C12orf42: variants seen among roughly 807,000 people sequenced by gnomAD.
The protein encoded by C12orf42 is chromosome 12 open reading frame 42.
A neutral mutation model predicts 21.6 loss-of-function variants in C12orf42; 25 were observed. That is an observed-to-expected ratio of 1.16 (90% CI 0.84 to 1.62). C12orf42 has a LOEUF of 1.62. Ranked by LOEUF, C12orf42 falls within the 40% of genes most tolerant of loss-of-function variation. C12orf42 has a pLI of 0.00. For synonymous variants in C12orf42, 174 were observed against 175.0 expected (o/e 0.99, Z 0.05); for missense variants, 483 against 459.3 (o/e 1.05, Z -0.47).
At chr12:103,132,889 C>T in the C12orf42 span, among the ~76,000 whole-genome samples, 1 of 152,178 alleles carries the variant, frequency 6.6e-6, no homozygotes, top group Non-Finnish European at 1.5e-5. Context: ...CCCCACCCTC[C>T]CCAGTAGCAG....
downstream of C12orf42, among the ~76,000 whole-genome samples, chr12:103,233,225 G>C (rs1279436008): frequency 6.6e-6 from 1 of 152,160 alleles, no homozygotes; most frequent in Non-Finnish European, 1.5e-5. Flanking sequence ...TTGATTTGTA[G>C]ATTTGTAGTA....
chr12:103,403,510 C>T (rs890478132), intron 2 of C12orf42, among the ~76,000 whole-genome samples: 10 of 152,130 alleles, frequency 6.6e-5, no homozygotes, highest in African/African-American at 2.4e-4. Flanking sequence ...GGAAACTGCT[C>T]GAGATCACAC....
chr12:103,412,406 C>G (rs12368950), intron 2 of C12orf42, among the ~76,000 whole-genome samples: 3 of 152,330 alleles, frequency 2.0e-5, no homozygotes, highest in South Asian at 4.1e-4. Flanking sequence ...CAGTAGCTCA[C>G]GCCTGTAATC....
At chr12:103,225,893 C>T in the C12orf42 span, among the ~76,000 whole-genome samples, 84 of 152,260 alleles carry the variant, frequency 5.5e-4, no homozygotes, top group Non-Finnish European at 7.9e-4. Flanking sequence ...CGAAGCTCGG[C>T]GTCCGTGTTG....
the C12orf42 span, among the ~76,000 whole-genome samples, chr12:103,521,557 G>A: frequency 6.6e-6 from 1 of 152,146 alleles, no homozygotes; most frequent in Non-Finnish European, 1.5e-5. Context: ...GAGAGCATCA[G>A]AATAAATAGC....
At position 103,478,333 on chromosome 12, in the gene C12orf42, A is replaced by G. The variant is rs1291899117; in HGVS notation, c.78+16T>C. 2 of 1,542,986 alleles carry G rather than the reference A, an allele frequency of 1.3e-6. No individual in the cohort carries two copies. Among genetic ancestry groups the G allele is most frequent in the South Asian group, 1.2e-5 (1 of 83,748 alleles). On this transcript the variant is annotated intron_variant, in intron 2 of 5. Transcript: ENST00000548883. ...CCTAAAAAAAGTAAGAAAATATAGTATCTCTTATGCATTACCTGCATCCTG... is the reference window on the plus strand; with the variant it reads ...CCTAAAAAAAGTAAGAAAATATAGTGTCTCTTATGCATTACCTGCATCCTG...
At chr12:103,269,778 A>T (rs959384837) in intron 6 of C12orf42, 3 of 152,258 alleles carry the variant, frequency 2.0e-5, no homozygotes, top group African/African-American at 7.2e-5. Flanking sequence ...TATGGTAAGG[A>T]TGCAACGGGT....
intron 1 of C12orf42, among the ~76,000 whole-genome samples, chr12:103,491,959 TTTTG>T (rs1555216416): frequency 6.6e-6 from 1 of 151,504 alleles, no homozygotes; most frequent in African/African-American, 2.4e-5. Context: ...TTTGTTTTTT[TTTTG>T]TTTGTTTGTT....
chr12:103,469,218 C>T (rs1165492813), intron 2 of C12orf42, among the ~76,000 whole-genome samples: 1 of 152,214 alleles, frequency 6.6e-6, no homozygotes, highest in Non-Finnish European at 1.5e-5. Context: ...GTGTTAAACT[C>T]AGGAAGGCAT....
At chr12:103,302,679 A>G (rs2037836105) in intron 5 of C12orf42, 120 bp from the exon 6 acceptor site, 1 of 714,584 alleles carries the variant, frequency 1.4e-6, no homozygotes, top group Non-Finnish European at 2.1e-6. Context: ...CAGAGGGGAA[A>G]GAAAAAAAAA....
At chr12:103,171,587 T>C in the C12orf42 span, among the ~76,000 whole-genome samples, 4 of 152,040 alleles carry the variant, frequency 2.6e-5, no homozygotes, top group Admixed American at 6.6e-5. Flanking sequence ...GCTGGAAGAA[T>C]AGTATTTTTA....
intron 2 of C12orf42, among the ~76,000 whole-genome samples, chr12:103,414,502 T>C (rs2049132445): frequency 6.6e-6 from 1 of 152,208 alleles, no homozygotes; most frequent in African/African-American, 2.4e-5. Flanking sequence ...ATGTTTATTA[T>C]ATTGATTCTT....
At chr12:103,387,593 G>C (rs543587778) in intron 3 of C12orf42, among the ~76,000 whole-genome samples, 1 of 152,196 alleles carries the variant, frequency 6.6e-6, no homozygotes, top group Non-Finnish European at 1.5e-5. Flanking sequence ...CAGGGATGGC[G>C]GTTGCATCAT....
chr12:103,481,382 A>G (rs1402215212), intron 1 of C12orf42, among the ~76,000 whole-genome samples: 2 of 151,946 alleles, frequency 1.3e-5, no homozygotes, highest in Non-Finnish European at 2.9e-5. Flanking sequence ...CATACAGGAA[A>G]AGTCTTAAAT....
the C12orf42 span, among the ~76,000 whole-genome samples, chr12:103,218,537 G>C: frequency 1.3e-5 from 2 of 152,124 alleles, no homozygotes; most frequent in African/African-American, 4.8e-5. Context: ...GAAGTATTCT[G>C]GGAAATGCTT....
intron 3 of C12orf42, among the ~76,000 whole-genome samples, chr12:103,386,370 C>T (rs879432215): frequency 2.0e-5 from 3 of 147,698 alleles, no homozygotes; most frequent in South Asian, 2.2e-4. Context: ...ACCTCTACTC[C>T]GGAACTGAAC....
the C12orf42 span, chr12:103,557,388 G>A: frequency 1.3e-5 from 2 of 152,168 alleles, no homozygotes; most frequent in Non-Finnish European, 2.9e-5. Context: ...ATTAACTGCT[G>A]ATGTTATTTC....
intron 4 of C12orf42, among the ~76,000 whole-genome samples, chr12:103,282,123 G>A (rs1370344919): frequency 1.2e-4 from 19 of 152,166 alleles, no homozygotes; most frequent in Admixed American, 1.2e-3. Flanking sequence ...AGTCCTAAAT[G>A]ATGTAACGAC....
chr12:103,374,469 A>G (rs1488184758), intron 3 of C12orf42, among the ~76,000 whole-genome samples: 3 of 152,098 alleles, frequency 2.0e-5, no homozygotes, highest in Non-Finnish European at 4.4e-5. Context: ...TTGGCTTTGA[A>G]TTACTTCTCT....
Sources: gnomAD v4.1 joint callset for allele counts (sites outside exome capture counted in the v4.1 genomes callset) on GRCh38, gnomAD v4.1.1 for gene constraint, MANE v1.5 for transcripts, NCBI Gene and HGNC (gene_info 2026-07-23, HGNC 2026-07-21) for gene names.